The following MARCHF11 variants were observed in gnomAD, a reference collection of about 807,000 sequenced individuals.
MARCHF11 encodes E3 ubiquitin-protein ligase MARCHF11.
MARCHF11 carries 29 observed loss-of-function variants against 37.3 expected under a neutral mutation model. The ratio of observed to expected loss-of-function variants is 0.78; its 90% CI spans 0.58 to 1.06. The LOEUF (loss-of-function observed/expected upper bound fraction) is 1.06, where lower values mean the gene tolerates loss of function less well. Ranked by LOEUF, MARCHF11 falls within the 50% of genes least tolerant of loss-of-function variation. The probability of loss-of-function intolerance (pLI) is 0.00; values close to 1 mark genes in which losing one functional copy is unlikely to be tolerated. For missense variants in MARCHF11, 482 were observed against 533.4 expected (o/e 0.90, Z 0.95); for synonymous variants, 233 against 228.0 (o/e 1.02, Z -0.20).
intron 2 of MARCHF11, among the ~76,000 whole-genome samples, chr5:16,108,183 C>A (rs947730494): frequency 6.6e-6 from 1 of 152,186 alleles, no homozygotes; most frequent in Admixed American, 6.5e-5. Context: ...CAGGCACCCA[C>A]CCCTAGACAT....
At chr5:16,121,316 T>C (rs926341482) in intron 2 of MARCHF11, among the ~76,000 whole-genome samples, 2 of 152,260 alleles carry the variant, frequency 1.3e-5, no homozygotes, top group African/African-American at 4.8e-5. Context: ...TATTTATTCA[T>C]TTTTAATATG....
chr5:16,125,227 T>C (rs1171439770), intron 2 of MARCHF11, among the ~76,000 whole-genome samples: 1 of 151,336 alleles, frequency 6.6e-6, no homozygotes, highest in African/African-American at 2.4e-5. Context: ...GTGACACTGC[T>C]GATAGCTTAT....
At chr5:16,123,364 C>T (rs1035564340) in intron 2 of MARCHF11, among the ~76,000 whole-genome samples, 6 of 152,090 alleles carry the variant, frequency 3.9e-5, no homozygotes, top group Non-Finnish European at 7.4e-5. Context: ...GGAGGACAGC[C>T]ATCTGCAAGC....
intron 2 of MARCHF11, among the ~76,000 whole-genome samples, chr5:16,155,399 A>G (rs1245315891): frequency 1.3e-5 from 2 of 151,782 alleles, no homozygotes; most frequent in African/African-American, 4.8e-5. Flanking sequence ...TTCCATTTTT[A>G]CCCTATTGGT....
At chr5:16,088,226 G>T (rs1160615960) in intron 3 of MARCHF11, among the ~76,000 whole-genome samples, 1 of 152,148 alleles carries the variant, frequency 6.6e-6, no homozygotes, top group African/African-American at 2.4e-5. Flanking sequence ...CCCTCCTGGT[G>T]TTCAACTACC....
intron 2 of MARCHF11, among the ~76,000 whole-genome samples, chr5:16,165,308 G>A (rs1376384354): frequency 1.3e-5 from 2 of 151,972 alleles, no homozygotes; most frequent in Non-Finnish European, 2.9e-5. Context: ...CAAAGGTTGT[G>A]CAAACAATGG....
At chr5:16,106,315 C>T (rs1472717980) in intron 2 of MARCHF11, among the ~76,000 whole-genome samples, 1 of 152,104 alleles carries the variant, frequency 6.6e-6, no homozygotes, top group Non-Finnish European at 1.5e-5. Flanking sequence ...AAAGTGTGTT[C>T]GGCAATCTGA....
At chr5:16,093,154 T>C (rs1178977387) in intron 2 of MARCHF11, among the ~76,000 whole-genome samples, 2 of 152,142 alleles carry the variant, frequency 1.3e-5, no homozygotes, top group African/African-American at 2.4e-5. Flanking sequence ...TGTGTGTGTG[T>C]TTGACTTTCA....
At chr5:16,098,355 A>T (rs1736904917) in intron 2 of MARCHF11, among the ~76,000 whole-genome samples, 1 of 152,240 alleles carries the variant, frequency 6.6e-6, no homozygotes, top group South Asian at 2.1e-4. Context: ...AAGATGATGA[A>T]GGAAAAACTT....
rs138697017 is a variant in MARCHF11, at chr5:16,097,567, C to G, written c.694-6486G>C. On this transcript the variant is annotated intron_variant, in intron 2 of 3. Coordinates refer to ENST00000332432, the MANE Select transcript of MARCHF11 (RefSeq NM_001102562.3). ...AGCAATAAGGAGATACTACAAATAG[C>G]TGTATGCTCATTAATCCCAGAGCAT... Among the ~76,000 whole-genome samples the G allele has an allele frequency of 1.3e-3, 194 of 152,278 alleles. 4 individuals carry two copies. Among genetic ancestry groups the G allele is most frequent in the African/African-American group, 4.4e-3 (182 of 41,564 alleles).
At chr5:16,162,346 T>TGTGG (rs1738093539) in intron 2 of MARCHF11, among the ~76,000 whole-genome samples, 1 of 151,982 alleles carries the variant, frequency 6.6e-6, no homozygotes, top group Non-Finnish European at 1.5e-5. Flanking sequence ...ATATAAGCTG[T>TGTGG]AAATATTGAC....
In MARCHF11 at chr5:16,067,416, C is replaced by T; in HGVS notation, c.*55G>A. 6.6e-7 allele frequency: 1 copy of T among 1,523,736 alleles called. No individual in the cohort carries two copies. Among genetic ancestry groups the T allele is most frequent in the Non-Finnish European group, 9.0e-7 (1 of 1,114,772 alleles). 94.4% of individuals were successfully genotyped at this position (1,523,736 alleles called of 1,614,324 possible). ...AGTGCTATGGTTTTGCCATTCACTG[C>T]AATTACATTGCAAAATGTGCAGGGT... On this transcript the variant is annotated 3_prime_UTR_variant, in exon 4 of 4. Transcript: ENST00000332432.
At chr5:16,080,455 C>A (rs1490478360) in intron 3 of MARCHF11, among the ~76,000 whole-genome samples, 1 of 152,196 alleles carries the variant, frequency 6.6e-6, no homozygotes, top group Non-Finnish European at 1.5e-5. Context: ...TCTCCAGTTC[C>A]AACCTCTAGC....
intron 2 of MARCHF11, among the ~76,000 whole-genome samples, chr5:16,093,046 G>T (rs140385947): frequency 2.0e-5 from 3 of 152,154 alleles, no homozygotes; most frequent in African/African-American, 2.4e-5. Flanking sequence ...CTAAATGGGC[G>T]CTACCATGTC....
At chr5:16,142,208 A>C (rs1326131507) in intron 2 of MARCHF11, among the ~76,000 whole-genome samples, 1 of 152,212 alleles carries the variant, frequency 6.6e-6, no homozygotes, top group Admixed American at 6.5e-5. Flanking sequence ...GGAAGGTTGC[A>C]CTTATCATGT....
chr5:16,132,671 G>A (rs1737537516), intron 2 of MARCHF11, among the ~76,000 whole-genome samples: 1 of 152,132 alleles, frequency 6.6e-6, no homozygotes, highest in Non-Finnish European at 1.5e-5. Context: ...GAGTAAGAGA[G>A]CTAATGTTTT....
At chr5:16,104,336 C>T (rs1737003117) in intron 2 of MARCHF11, among the ~76,000 whole-genome samples, 1 of 152,040 alleles carries the variant, frequency 6.6e-6, no homozygotes, top group African/African-American at 2.4e-5. Context: ...AACAAAAAGC[C>T]CTTAAAACAA....
intron 3 of MARCHF11, among the ~76,000 whole-genome samples, chr5:16,085,616 C>CT (rs1736682533): frequency 6.6e-6 from 1 of 151,676 alleles, no homozygotes; most frequent in South Asian, 2.1e-4. Flanking sequence ...CTGATAAAGC[C>CT]TTTTTAGTTG....
chr5:16,074,941 GTCTGC>G (rs1422463125), intron 3 of MARCHF11, among the ~76,000 whole-genome samples: 1 of 152,212 alleles, frequency 6.6e-6, no homozygotes, highest in Non-Finnish European at 1.5e-5. Flanking sequence ...GCTTCATGAA[GTCTGC>G]AGCCATCGGC....
Sources: gnomAD v4.1 joint callset for allele counts (sites outside exome capture counted in the v4.1 genomes callset) on GRCh38, gnomAD v4.1.1 for gene constraint, MANE v1.5 for transcripts, NCBI Gene and HGNC (gene_info 2026-07-23, HGNC 2026-07-21) for gene names.